Variants in SHANK2 observed in about 807,000 individuals in gnomAD.
SHANK2 encodes SH3 and multiple ankyrin repeat domains protein 2.
In SHANK2, 43 loss-of-function variants were observed where a neutral mutation model predicts 133.7. The observed-to-expected ratio is 0.32, with a 90% CI of 0.25 to 0.41. SHANK2 has a LOEUF of 0.41. Among genes scored for constraint, SHANK2 ranks in the 10% least tolerant of loss-of-function variants. SHANK2 has a pLI of 1.00. For synonymous variants in SHANK2, 1,017 were observed against 952.8 expected (o/e 1.07, Z -1.24); for missense variants, 1,994 against 2,235.8 (o/e 0.89, Z 2.18).
rs573999906 is a variant in SHANK2, at chr11:70,890,535, C to T, written c.1174+5966G>A. Among the ~76,000 whole-genome samples, 42 of 151,482 alleles carry T rather than the reference C, an allele frequency of 2.8e-4. No homozygotes were observed. In the South Asian group the frequency reaches 8.6e-3, roughly 31 times the overall value. ...AAAACAGAGGCCAGGCATGGTGGCT[C>T]AGGCCTGTAATCCCAGTACTTTGGG... On this transcript the variant is annotated intron_variant, in intron 11 of 25. Transcript: ENST00000601538.
intron 11 of SHANK2, among the ~76,000 whole-genome samples, chr11:70,833,774 A>G (rs1948765622): frequency 6.6e-6 from 1 of 152,244 alleles, no homozygotes. Context: ...TGTGATTATT[A>G]CAACAGCTTG....
At position 70,659,969 on chromosome 11, in the gene SHANK2, C is replaced by T; in HGVS notation, c.1937-17G>A. ...GTGTGTCAGCTGGGAAGACAAGCAG[C>T]ACCTGGTTACAAGCCTGGGAGATGT... On this transcript the variant is annotated splice_polypyrimidine_tract_variant and intron_variant, in intron 16 of 25. Transcript: ENST00000601538. The T allele has an allele frequency of 6.2e-7, 1 of 1,614,174 alleles. No individual in the cohort carries two copies. Among genetic ancestry groups the T allele is most frequent in the Non-Finnish European group, 8.5e-7 (1 of 1,180,036 alleles).
At chr11:70,911,132 T>C (rs913730505) in intron 10 of SHANK2, 2 of 456,634 alleles carry the variant, frequency 4.4e-6, no homozygotes, top group Admixed American at 4.7e-5. Flanking sequence ...CCCTAATTTT[T>C]TGTACTGTTT....
At chr11:71,076,645 C>T (rs1235522548) in intron 8 of SHANK2, among the ~76,000 whole-genome samples, 2 of 152,192 alleles carry the variant, frequency 1.3e-5, no homozygotes, top group Non-Finnish European at 2.9e-5. Flanking sequence ...TCCTTGCTGT[C>T]ACCTGCCCGG....
chr11:70,764,137 T>C (rs1370848550), intron 14 of SHANK2, among the ~76,000 whole-genome samples: 1 of 96,372 alleles, frequency 1.0e-5, no homozygotes, highest in Non-Finnish European at 1.9e-5. Context: ...AAGCCTTCCT[T>C]TATCTCTTCC....
chr11:71,069,137 C>A (rs1430377947), intron 9 of SHANK2, among the ~76,000 whole-genome samples: 1 of 151,248 alleles, frequency 6.6e-6, no homozygotes, highest in Non-Finnish European at 1.5e-5. Flanking sequence ...ATCACCATGG[C>A]CACCATCACT....
At chr11:71,084,672 AC>A (rs2136016085) in intron 8 of SHANK2, among the ~76,000 whole-genome samples, 1 of 152,178 alleles carries the variant, frequency 6.6e-6, no homozygotes, top group African/African-American at 2.4e-5. Context: ...AGGAAAACCC[AC>A]CTGCCCCTGT....
At chr11:70,719,748 C>G (rs186795283) in intron 14 of SHANK2, among the ~76,000 whole-genome samples, 1 of 151,440 alleles carries the variant, frequency 6.6e-6, no homozygotes, top group Non-Finnish European at 1.5e-5. Context: ...AACAGCCCCG[C>G]GCTCCCCTGC....
chr11:70,698,670 G>T lies in SHANK2; in HGVS notation c.1853+18C>A, dbSNP rs1945452597. ...GCTTTGACCAGAGGGTCCTGGAAGA[G>T]AAAGCAGCGCGTCTTACCTGGAAGT... On this transcript the variant is annotated intron_variant, in intron 15 of 25. Coordinates refer to ENST00000601538, the MANE Select transcript of SHANK2 (RefSeq NM_012309.5). 1.4e-6 allele frequency: 1 copy of T among 718,528 alleles called. No individual in the cohort carries two copies. The highest frequency in any genetic ancestry group is 1.7e-5 in the African/African-American group (1 of 57,282). The allele number at this position is 718,528 out of a possible 1,614,324, so 44.5% of individuals were successfully genotyped here.
At chr11:70,608,052 G>A (rs1204258178) in intron 17 of SHANK2, among the ~76,000 whole-genome samples, 2 of 152,218 alleles carry the variant, frequency 1.3e-5, no homozygotes, top group Non-Finnish European at 2.9e-5. Context: ...ACCACTGCCC[G>A]CCATGTCCGA....
At chr11:70,815,175 AACACACACACAC>A (rs61610592) in intron 12 of SHANK2, among the ~76,000 whole-genome samples, 10,453 of 119,532 alleles carry the variant, frequency 0.087, 564 homozygotes, top group South Asian at 0.13. Flanking sequence ...TGGGAGAAGA[AACACACACACAC>A]ACACACACAC....
intron 10 of SHANK2, among the ~76,000 whole-genome samples, chr11:70,938,534 A>G (rs1175411207): frequency 3.3e-5 from 5 of 152,196 alleles, no homozygotes; most frequent in African/African-American, 7.2e-5. Context: ...CATTTTGCTC[A>G]CTAAGATTTA....
At chr11:71,073,978 C>T (rs1251925562) in intron 9 of SHANK2, among the ~76,000 whole-genome samples, 2 of 152,148 alleles carry the variant, frequency 1.3e-5, no homozygotes, top group Middle Eastern at 3.2e-3. Context: ...CAAGAGAGCC[C>T]GGCTCCTCAC....
chr11:71,248,755 G>T (rs543490324), intron 1 of SHANK2, among the ~76,000 whole-genome samples: 1 of 152,132 alleles, frequency 6.6e-6, no homozygotes, highest in Non-Finnish European at 1.5e-5. Context: ...TCAGTCCCAG[G>T]AGGATGCAAT....
chr11:70,607,342 C>T (rs1444283487), intron 17 of SHANK2, among the ~76,000 whole-genome samples: 1 of 152,144 alleles, frequency 6.6e-6, no homozygotes, highest in Non-Finnish European at 1.5e-5. Context: ...ATTCTAAGAA[C>T]CTGGCCACTT....
At chr11:70,507,279 T>A (rs782526652) in intron 17 of SHANK2, among the ~76,000 whole-genome samples, 14 of 152,212 alleles carry the variant, frequency 9.2e-5, no homozygotes, top group Non-Finnish European at 1.3e-4. Flanking sequence ...CTGCCTTTGA[T>A]GCCATCTGCG....
intron 3 of SHANK2, among the ~76,000 whole-genome samples, chr11:71,141,724 G>A (rs868935189): frequency 3.3e-5 from 5 of 152,104 alleles, no homozygotes; most frequent in Non-Finnish European, 4.4e-5. Context: ...GGCCCTGCAC[G>A]TAGACTCCAC....
intron 14 of SHANK2, among the ~76,000 whole-genome samples, chr11:70,754,177 G>T (rs782529615): frequency 1.1e-4 from 16 of 152,282 alleles, no homozygotes; most frequent in Non-Finnish European, 2.2e-4. Context: ...GGTGAATTTT[G>T]CCAATCATTT....
chr11:70,718,234 G>A (rs1051589453), intron 14 of SHANK2, among the ~76,000 whole-genome samples: 1 of 152,218 alleles, frequency 6.6e-6, no homozygotes, highest in Non-Finnish European at 1.5e-5. Context: ...CCCAGTAATT[G>A]CTTTCTCATT....
Sources: gnomAD v4.1 joint callset for allele counts (sites outside exome capture counted in the v4.1 genomes callset) on GRCh38, gnomAD v4.1.1 for gene constraint, MANE v1.5 for transcripts, NCBI Gene and HGNC (gene_info 2026-07-23, HGNC 2026-07-21) for gene names.